Variants in CCNY observed in about 807,000 individuals in gnomAD.
CCNY encodes the protein cyclin Y.
Under a neutral mutation model 42.8 loss-of-function variants are expected in CCNY, and 19 were observed. The ratio of observed to expected loss-of-function variants is 0.44; its 90% CI spans 0.31 to 0.65. The LOEUF (loss-of-function observed/expected upper bound fraction) is 0.65, where lower values mean the gene tolerates loss of function less well. Ranked by LOEUF, CCNY falls within the 30% of genes least tolerant of loss-of-function variation. The probability of loss-of-function intolerance (pLI) is 0.07; values close to 1 mark genes in which losing one functional copy is unlikely to be tolerated. For missense variants in CCNY, 370 were observed against 437.3 expected, an observed-to-expected ratio of 0.85 and a Z score of 1.37; for synonymous variants, 165 against 162.7, an observed-to-expected ratio of 1.01 and a Z score of -0.11.
intron 8 of CCNY, among the ~76,000 whole-genome samples, chr10:35,554,385 AAAGT>A (rs1207995315): frequency 2.6e-5 from 4 of 152,354 alleles, no homozygotes; most frequent in East Asian, 1.9e-4. Flanking sequence ...TTTATTACAT[AAAGT>A]AAGAAACACA....
At chr10:35,329,139 T>C (rs1835911953) in intron 3 of CCNY, among the ~76,000 whole-genome samples, 1 of 152,248 alleles carries the variant, frequency 6.6e-6, no homozygotes, top group Non-Finnish European at 1.5e-5. Context: ...TAAGATGTCA[T>C]ATGGCAATAT....
chr10:35,496,314 C>T (rs1840001948), intron 2 of CCNY, among the ~76,000 whole-genome samples: 1 of 152,254 alleles, frequency 6.6e-6, no homozygotes, highest in Non-Finnish European at 1.5e-5. Flanking sequence ...TGCCTGTGCA[C>T]ACCAGTGATG....
At chr10:35,300,131 G>A (rs114724349) in intron 3 of CCNY, among the ~76,000 whole-genome samples, 3 of 152,266 alleles carry the variant, frequency 2.0e-5, no homozygotes, top group Non-Finnish European at 2.9e-5. Context: ...GCTTGGCCTC[G>A]CAGAGTTTTA....
intron 3 of CCNY, among the ~76,000 whole-genome samples, chr10:35,275,370 C>T (rs1286137271): frequency 1.3e-5 from 2 of 151,744 alleles, no homozygotes; most frequent in Non-Finnish European, 2.9e-5. Flanking sequence ...CCAGTCGATT[C>T]ACTGTTGTTC....
At chr10:35,435,786 G>T (rs1838517044) in intron 1 of CCNY, among the ~76,000 whole-genome samples, 1 of 152,176 alleles carries the variant, frequency 6.6e-6, no homozygotes. Flanking sequence ...TGGGCCTCAG[G>T]TTCTTCCTCT....
intron 1 of CCNY, among the ~76,000 whole-genome samples, chr10:35,465,058 A>T (rs1839229269): frequency 1.3e-5 from 2 of 152,090 alleles, no homozygotes; most frequent in Admixed American, 6.5e-5. Flanking sequence ...TCTTTCTTTG[A>T]GTTCATTTGC....
At chr10:35,513,185 A>C (rs1564441204) in intron 3 of CCNY, among the ~76,000 whole-genome samples, 1 of 152,224 alleles carries the variant, frequency 6.6e-6, no homozygotes, top group Non-Finnish European at 1.5e-5. Context: ...TAGCTCTAAA[A>C]TTCGATTATT....
chr10:35,476,911 G>T lies in CCNY; in HGVS notation c.155-6493G>T, dbSNP rs546843848. ...CTAGCAAGACTAATAAAGAAGAAAA[G>T]AGAGAAGAATCAAATAGATGCAATA... On this transcript the variant is annotated intron_variant, in intron 1 of 9. Transcript: ENST00000374704. 6.8e-3 allele frequency among the ~76,000 whole-genome samples: 1,027 copies of T among 152,006 alleles called. 9 individuals are homozygous for T. Among genetic ancestry groups the T allele is most frequent in the African/African-American group, 0.024 (981 of 41,476 alleles).
intron 3 of CCNY, among the ~76,000 whole-genome samples, chr10:35,503,093 C>T (rs928276100): frequency 3.9e-5 from 6 of 151,926 alleles, no homozygotes; most frequent in African/African-American, 1.2e-4. Context: ...GCACGCCCCA[C>T]CCCCCCAACA....
At chr10:35,480,698 C>T (rs1406292584) in intron 1 of CCNY, among the ~76,000 whole-genome samples, 3 of 152,190 alleles carry the variant, frequency 2.0e-5, no homozygotes, top group Admixed American at 6.5e-5. Context: ...GGCACAGTGA[C>T]TCATACCTGT....
intron 2 of CCNY, among the ~76,000 whole-genome samples, chr10:35,484,690 A>C (rs1839746544): frequency 6.6e-6 from 1 of 152,206 alleles, no homozygotes; most frequent in African/African-American, 2.4e-5. Flanking sequence ...ACCATGAAAA[A>C]AGAGGGTCAA....
intron 1 of CCNY, among the ~76,000 whole-genome samples, chr10:35,404,105 T>G (rs1168770845): frequency 6.6e-6 from 1 of 152,188 alleles, no homozygotes; most frequent in African/African-American, 2.4e-5. Context: ...AGTATGTGTG[T>G]CAGATGTGAG....
At chr10:35,343,966 G>A (rs1228028508) in intron 1 of CCNY, among the ~76,000 whole-genome samples, 2 of 152,174 alleles carry the variant, frequency 1.3e-5, no homozygotes, top group Non-Finnish European at 2.9e-5. Context: ...TCAACATTGG[G>A]CTGTGAGGGT....
At position 35,515,884 on chromosome 10, in the gene CCNY, C is replaced by A. The variant is rs925840684; in HGVS notation, c.265-639C>A. 2.0e-5 allele frequency among the ~76,000 whole-genome samples: 3 copies of A among 152,190 alleles called. No homozygotes were observed. The East Asian group carries it at 5.8e-4, about 29-fold the overall frequency. On this transcript the variant is annotated intron_variant, in intron 3 of 9. Transcript: ENST00000374704. ...CAAAAGTTGTACAGTTATGAAAGAA[C>A]CTGTCATAAGACCACACAAAGAACT...
intron 3 of CCNY, among the ~76,000 whole-genome samples, chr10:35,294,956 C>T (rs1380512368): frequency 1.3e-5 from 2 of 151,988 alleles, no homozygotes; most frequent in Admixed American, 1.3e-4. Context: ...CTTCTTGAGC[C>T]AGTTGCAGTA....
chr10:35,301,221 G>A (rs1835529719), intron 3 of CCNY, among the ~76,000 whole-genome samples: 2 of 152,094 alleles, frequency 1.3e-5, no homozygotes, highest in Admixed American at 6.6e-5. Flanking sequence ...ATTAGCTTTC[G>A]GAGCTATTTT....
chr10:35,547,056 C>G (rs1425124092), intron 7 of CCNY, among the ~76,000 whole-genome samples: 1 of 152,072 alleles, frequency 6.6e-6, no homozygotes, highest in Non-Finnish European at 1.5e-5. Flanking sequence ...TGGTATTGCA[C>G]ATTTTCTGGT....
rs879797759 is a variant in CCNY at position 35,457,585 on chromosome 10, AT to A, written c.155-25806del. ...TACTGTAACCCAAATTCATAGATGT[AT>A]TTTTTTTTTTTTGAGATGGAGTCTC... On this transcript the variant is annotated intron_variant, in intron 1 of 9. Coordinates refer to ENST00000374704, the MANE Select transcript of CCNY (RefSeq NM_145012.6). Among the ~76,000 whole-genome samples the A allele has an allele frequency of 6.6e-3, 960 of 145,760 alleles. 2 individuals are homozygous for A. Among genetic ancestry groups the A allele is most frequent in the African/African-American group, 9.2e-3 (369 of 39,982 alleles).
Position 35,337,164 on chromosome 10 carries a change from G to T in CCNY, c.111G>T (p.Thr37=). ...RPDTDLSRED[T]GCNLQHISDR... ...ACACGGACCTGAGCCGCGAGGACACGGGCTGCAACCTGCAGCACATCAGCG... is the reference window on the plus strand; with the variant it reads ...ACACGGACCTGAGCCGCGAGGACACTGGCTGCAACCTGCAGCACATCAGCG... Residue 37 remains threonine, a synonymous_variant, in exon 1 of 10, where the codon ACG becomes ACT. Transcript: ENST00000374704. 1 of 1,576,804 alleles carries T rather than the reference G, an allele frequency of 6.3e-7. No homozygotes were observed. The highest frequency in any genetic ancestry group is 2.4e-5 in the East Asian group (1 of 41,410).
Sources: gnomAD v4.1 joint callset for allele counts (sites outside exome capture counted in the v4.1 genomes callset) on GRCh38, gnomAD v4.1.1 for gene constraint, MANE v1.5 for transcripts, NCBI Gene and HGNC (gene_info 2026-07-23, HGNC 2026-07-21) for gene names.